CST8: variants seen among roughly 807,000 people sequenced by gnomAD.
CST8 encodes the protein cystatin-8.
CST8 carries 20 observed loss-of-function variants against 11.8 expected under a neutral mutation model. That is an observed-to-expected ratio of 1.70 (90% CI 1.20 to 2.47). The LOEUF is 2.47. Among genes scored for constraint, CST8 ranks in the 30% most tolerant of loss-of-function variants. CST8 has a pLI of 0.00. For synonymous variants in CST8, 77 were observed against 63.1 expected (o/e 1.22, Z -1.05); for missense variants, 196 against 167.2 (o/e 1.17, Z -0.95).
downstream of CST8, among the ~76,000 whole-genome samples, chr20:23,497,172 G>A (rs2122207685): frequency 6.6e-6 from 1 of 152,350 alleles, no homozygotes; most frequent in East Asian, 1.9e-4. Flanking sequence ...TTCAGAGATT[G>A]CAGTAAAGAC....
chr20:23,500,517 G>T (rs1224359454), downstream of CST8, among the ~76,000 whole-genome samples: 1 of 152,174 alleles, frequency 6.6e-6, no homozygotes, highest in East Asian at 1.9e-4. Context: ...GGTGGAATGG[G>T]AGGCAAGAGG....
the CST8 span, among the ~76,000 whole-genome samples, chr20:23,501,295 CCTT>C: frequency 6.6e-6 from 1 of 152,182 alleles, no homozygotes; most frequent in South Asian, 2.1e-4. Flanking sequence ...ATCAGATGCT[CCTT>C]CTGTGTTTGT....
chr20:23,496,036 G>A (rs1403442964), downstream of CST8: 1 of 757,032 alleles, frequency 1.3e-6, no homozygotes, highest in African/African-American at 1.8e-5. Flanking sequence ...TTGGTGTTTT[G>A]TTTTTTAGTT....
At chr20:23,505,059 C>T in the CST8 span, among the ~76,000 whole-genome samples, 3 of 151,462 alleles carry the variant, frequency 2.0e-5, no homozygotes, top group African/African-American at 2.4e-5. Flanking sequence ...GCAATTGTTA[C>T]AGGCAATCTC....
At chr20:23,492,299 TA>T (rs1322551809) in intron 2 of CST8, among the ~76,000 whole-genome samples, 2 of 152,212 alleles carry the variant, frequency 1.3e-5, no homozygotes, top group Non-Finnish European at 2.9e-5. Flanking sequence ...AAAACAGATT[TA>T]AATGGACATC....
rs59240888 is a variant in CST8 at position 23,493,755 on chromosome 20, A to C, written c.345+684A>C. On this transcript the variant is annotated intron_variant, in intron 3 of 3. Coordinates refer to ENST00000246012, the MANE Select transcript of CST8 (RefSeq NM_005492.4). ...TTGGTCCCAGACAGATGAAGGCCTG[A>C]GCATTCTGCAGGTTTGCCCAACAGG... Among the ~76,000 whole-genome samples the C allele has an allele frequency of 2.6e-3, 399 of 152,296 alleles. 7 individuals are homozygous for C. In the East Asian group the frequency reaches 0.029, roughly 11 times the overall value.
rs1205245497 is a variant in CST8, at chr20:23,491,352, G to C, written c.-144+10G>C. The C allele has an allele frequency of 1.0e-5, 4 of 394,988 alleles. No individual in the cohort carries two copies. The highest frequency in any genetic ancestry group is 2.0e-5 in the African/African-American group (1 of 49,210). 24.5% of individuals were successfully genotyped at this position (394,988 alleles called of 1,614,324 possible). A position where few individuals can be genotyped will look rare whatever the true frequency, so the allele number is the denominator to read the frequency against. On this transcript the variant is annotated intron_variant, in intron 1 of 3. Transcript: ENST00000246012. ...AGTGACGCTCACAGGGGTAGGCATA[G>C]ACACACTGGGGCCGAAGGGGAGAGG...
At chr20:23,496,502 G>T (rs1600298309), downstream of CST8, among the ~76,000 whole-genome samples, 1 of 152,170 alleles carries the variant, frequency 6.6e-6, no homozygotes, top group Admixed American at 6.5e-5. Flanking sequence ...CAAGGCAAAT[G>T]GAGGCAGGGC....
chr20:23,496,952 G>A (rs899955415), downstream of CST8, among the ~76,000 whole-genome samples: 6 of 152,092 alleles, frequency 3.9e-5, no homozygotes, highest in Non-Finnish European at 5.9e-5. Context: ...CTTTTTTCAA[G>A]GTGCCCAGAT....
the CST8 span, among the ~76,000 whole-genome samples, chr20:23,502,347 T>A: frequency 3.6e-4 from 55 of 152,350 alleles, no homozygotes; most frequent in Middle Eastern, 3.4e-3. Flanking sequence ...TGTGCTAGTG[T>A]GAGACAAAGT....
chr20:23,491,683 T>A lies in CST8; in HGVS notation c.16T>A (p.Trp6Arg). Residue 6 changes from tryptophan (W) to arginine (R), a missense_variant, in exon 2 of 4, where the codon TGG becomes AGG. Transcript: ENST00000246012. MPRCR[W>R]LSLILLTIPL... Reference sequence around the variant, plus strand: ...CCAAGGGACCATGCCCAGGTGCCGGTGGCTCTCCCTGATCCTCCTCACCAT... The same window carrying A: ...CCAAGGGACCATGCCCAGGTGCCGGAGGCTCTCCCTGATCCTCCTCACCAT... The A allele has an allele frequency of 6.2e-7, 1 of 1,613,818 alleles. No homozygotes were observed. The highest frequency in any genetic ancestry group is 8.5e-7 in the Non-Finnish European group (1 of 1,179,834).
At chr20:23,500,281 C>T (rs1241228464), downstream of CST8, among the ~76,000 whole-genome samples, 1 of 152,150 alleles carries the variant, frequency 6.6e-6, no homozygotes, top group Non-Finnish European at 1.5e-5. Context: ...GGTGTTGACC[C>T]TGCTGGGACC....
chr20:23,493,102 C>A, intron 3 of CST8, 31 bp downstream of exon 3: 1 of 1,287,936 alleles, frequency 7.8e-7, no homozygotes, highest in Non-Finnish European at 1.1e-6. Flanking sequence ...CTGTGACGGC[C>A]TAGGCAGCTC....
downstream of CST8, among the ~76,000 whole-genome samples, chr20:23,499,394 T>C (rs1988132133): frequency 6.6e-6 from 1 of 152,240 alleles, no homozygotes; most frequent in Non-Finnish European, 1.5e-5. Flanking sequence ...AATGTCTTTT[T>C]GCTAAGATAT....
chr20:23,494,551 C>A (rs560328258), intron 3 of CST8, among the ~76,000 whole-genome samples: 1 of 152,264 alleles, frequency 6.6e-6, no homozygotes, highest in Non-Finnish European at 1.5e-5. Flanking sequence ...ACTTTGTCTG[C>A]CTCTTAACTC....
At chr20:23,496,681 C>T (rs182586386), downstream of CST8, among the ~76,000 whole-genome samples, 4 of 152,284 alleles carry the variant, frequency 2.6e-5, no homozygotes, top group African/African-American at 9.6e-5. Context: ...CCTGGGAGCA[C>T]TACGGGAAAC....
chr20:23,492,137 C>T (rs941100540), intron 2 of CST8, among the ~76,000 whole-genome samples: 1 of 152,236 alleles, frequency 6.6e-6, no homozygotes, highest in Non-Finnish European at 1.5e-5. Flanking sequence ...AAACCCCAAA[C>T]TGCAAATCAA....
Position 23,495,866 on chromosome 20 carries a change from C to G in CST8, c.381C>G (p.Pro127=). ...GCAGCTTTTTGGTAGGAGCACTTCC[C>G]TGGAATGGTGAATTCACTGTGATGG... is the stretch of plus-strand genomic sequence containing the variant. ...LSCSFLVGAL[P]WNGEFTVMEK... Residue 127 remains proline, a synonymous_variant, in exon 4 of 4, where the codon CCC becomes CCG. Coordinates refer to ENST00000246012, the MANE Select transcript of CST8 (RefSeq NM_005492.4). 6.2e-7 allele frequency: 1 copy of G among 1,611,772 alleles called. No homozygotes were observed. Among genetic ancestry groups the G allele is most frequent in the Non-Finnish European group, 8.5e-7 (1 of 1,179,416 alleles).
At chr20:23,493,541 TTAAGCAATGAC>T (rs1282844520) in intron 3 of CST8, among the ~76,000 whole-genome samples, 3 of 152,186 alleles carry the variant, frequency 2.0e-5, no homozygotes, top group Non-Finnish European at 2.9e-5. Context: ...GTGCTGGAGA[TTAAGCAATGAC>T]TAAGCCAGAG....
Sources: allele counts gnomAD v4.1 joint callset (sites outside exome capture counted in the v4.1 genomes callset), GRCh38; gene constraint gnomAD v4.1.1; transcripts MANE v1.5; gene names NCBI Gene and HGNC (gene_info 2026-07-23, HGNC 2026-07-21).